Variants in KCND2 observed in about 807,000 individuals in gnomAD.
KCND2 encodes A-type voltage-gated potassium channel KCND2.
In KCND2, 16 loss-of-function variants were observed where a neutral mutation model predicts 54.4. That is an observed-to-expected ratio of 0.29 (90% CI 0.20 to 0.45). The LOEUF is 0.45. Ranked by LOEUF, KCND2 falls within the 20% of genes least tolerant of loss-of-function variation. The pLI is 1.00. For synonymous variants in KCND2, 317 were observed against 310.7 expected (o/e 1.02, Z -0.21); for missense variants, 486 against 824.2 (o/e 0.59, Z 5.02).
At chr7:120,677,240 C>G (rs978935100) in intron 1 of KCND2, among the ~76,000 whole-genome samples, 1 of 151,952 alleles carries the variant, frequency 6.6e-6, no homozygotes, top group East Asian at 1.9e-4. Context: ...CAAAAAAAAT[C>G]TGTGAATAAA....
At position 120,283,533 on chromosome 7, in the gene KCND2, A is replaced by C. The variant is rs1799296484; in HGVS notation, c.1115+7786A>C. Among the ~76,000 whole-genome samples, 2 of 152,186 alleles carry C rather than the reference A, an allele frequency of 1.3e-5. 1 individual carries two copies. The highest frequency in any genetic ancestry group is 4.1e-4 in the South Asian group (2 of 4,834). ...CCAATTATTCAGGAGATTATCTAAA[A>C]AATGAGTATTTTCTAATACATAAGT... On this transcript the variant is annotated intron_variant, in intron 1 of 5. Coordinates refer to ENST00000331113, the MANE Select transcript of KCND2 (RefSeq NM_012281.3).
At chr7:120,386,818 AG>A (rs1800994981) in intron 1 of KCND2, among the ~76,000 whole-genome samples, 1 of 152,068 alleles carries the variant, frequency 6.6e-6, no homozygotes, top group African/African-American at 2.4e-5. Context: ...AAAGAAATGG[AG>A]GGGAAAAATA....
chr7:120,692,028 A>G (rs377132845), intron 1 of KCND2, among the ~76,000 whole-genome samples: 4 of 152,188 alleles, frequency 2.6e-5, no homozygotes, highest in African/African-American at 9.7e-5. Context: ...CCTTTAAAGG[A>G]GCAGTTTTGG....
intron 1 of KCND2, among the ~76,000 whole-genome samples, chr7:120,388,636 AC>A (rs1428938632): frequency 1.3e-5 from 2 of 151,964 alleles, no homozygotes; most frequent in Non-Finnish European, 2.9e-5. Context: ...AGCCAGACTC[AC>A]ACCTCAATGA....
At chr7:120,357,208 T>G (rs1800519352) in intron 1 of KCND2, among the ~76,000 whole-genome samples, 3 of 152,132 alleles carry the variant, frequency 2.0e-5, no homozygotes, top group Admixed American at 6.6e-5. Flanking sequence ...TGCTTAAGCC[T>G]CTTTCACCTC....
Position 120,691,941 on chromosome 7 carries a change from G to A in KCND2, c.1116-40962G>A, listed in dbSNP as rs546337914. Among the ~76,000 whole-genome samples, 14 of 152,230 alleles carry A rather than the reference G, an allele frequency of 9.2e-5. 1 individual carries two copies. The highest frequency in any genetic ancestry group is 2.1e-4 in the South Asian group (1 of 4,834). ...AAGAAAATGTTTCAAGGAGGACCTTGTGGTCAGCTGTGTCAAATTCTGGGT... is the reference window on the plus strand; with the variant it reads ...AAGAAAATGTTTCAAGGAGGACCTTATGGTCAGCTGTGTCAAATTCTGGGT... On this transcript the variant is annotated intron_variant, in intron 1 of 5. Transcript: ENST00000331113.
At chr7:120,521,432 T>A (rs1791690441) in intron 1 of KCND2, among the ~76,000 whole-genome samples, 1 of 152,150 alleles carries the variant, frequency 6.6e-6, no homozygotes, top group Non-Finnish European at 1.5e-5. Flanking sequence ...CTAATCAAAT[T>A]TTATGGGATA....
At chr7:120,430,346 C>A (rs897292915) in intron 1 of KCND2, among the ~76,000 whole-genome samples, 1 of 152,068 alleles carries the variant, frequency 6.6e-6, no homozygotes. Flanking sequence ...AACCGTAATT[C>A]CCTTAGAAGC....
intron 1 of KCND2, among the ~76,000 whole-genome samples, chr7:120,677,774 G>A (rs1401859520): frequency 6.6e-6 from 1 of 151,904 alleles, no homozygotes; most frequent in Non-Finnish European, 1.5e-5. Flanking sequence ...CTTTCAAAAT[G>A]CTGTTACTTC....
intron 1 of KCND2, among the ~76,000 whole-genome samples, chr7:120,489,086 T>G (rs907614176): frequency 6.6e-6 from 1 of 152,118 alleles, no homozygotes; most frequent in Admixed American, 6.6e-5. Context: ...ATATTCTGTA[T>G]GTTAAACATG....
At chr7:120,304,891 G>A (rs1163376514) in intron 1 of KCND2, among the ~76,000 whole-genome samples, 1 of 152,114 alleles carries the variant, frequency 6.6e-6, no homozygotes, top group Non-Finnish European at 1.5e-5. Context: ...TCTCCAGCTC[G>A]GCATTGTTTT....
intron 1 of KCND2, among the ~76,000 whole-genome samples, chr7:120,359,021 C>G (rs1455614671): frequency 6.6e-6 from 1 of 152,098 alleles, no homozygotes; most frequent in Non-Finnish European, 1.5e-5. Flanking sequence ...AAAGAGAAAC[C>G]CTTACAGGCC....
intron 1 of KCND2, among the ~76,000 whole-genome samples, chr7:120,579,576 T>G (rs1792486236): frequency 6.7e-6 from 1 of 149,584 alleles, no homozygotes; most frequent in African/African-American, 2.5e-5. Flanking sequence ...CATTCCAGCC[T>G]GGAGACGGGG....
chr7:120,684,400 T>G (rs1224849565), intron 1 of KCND2, among the ~76,000 whole-genome samples: 2 of 152,168 alleles, frequency 1.3e-5, no homozygotes, highest in African/African-American at 4.8e-5. Flanking sequence ...TATAACAAGA[T>G]ATGTAAATTT....
chr7:120,593,210 G>T (rs1304146846), intron 1 of KCND2, among the ~76,000 whole-genome samples: 1 of 152,160 alleles, frequency 6.6e-6, no homozygotes, highest in Admixed American at 6.5e-5. Context: ...TCTCAGAGCA[G>T]ACGTTGGAAC....
chr7:120,625,086 C>T (rs2116506639), intron 1 of KCND2, among the ~76,000 whole-genome samples: 1 of 152,222 alleles, frequency 6.6e-6, no homozygotes, highest in Non-Finnish European at 1.5e-5. Context: ...GAGACTTGGC[C>T]CATACTCTGT....
At chr7:120,419,292 A>G (rs780068774) in intron 1 of KCND2, among the ~76,000 whole-genome samples, 8 of 152,174 alleles carry the variant, frequency 5.3e-5, no homozygotes, top group Admixed American at 1.3e-4. Context: ...CCCATCTGCT[A>G]TGCATTGCTA....
chr7:120,649,416 C>A (rs1213092926), intron 1 of KCND2, among the ~76,000 whole-genome samples: 1 of 152,040 alleles, frequency 6.6e-6, no homozygotes, highest in Non-Finnish European at 1.5e-5. Flanking sequence ...TCAAGAATGC[C>A]AACTTTAAGT....
chr7:120,347,500 G>C (rs538294268), intron 1 of KCND2, among the ~76,000 whole-genome samples: 1 of 152,280 alleles, frequency 6.6e-6, no homozygotes, highest in South Asian at 2.1e-4. Context: ...GCTCAAGCCT[G>C]TAACCCCAGC....
Sources: gnomAD v4.1 joint callset for allele counts (sites outside exome capture counted in the v4.1 genomes callset) on GRCh38, gnomAD v4.1.1 for gene constraint, MANE v1.5 for transcripts, NCBI Gene and HGNC (gene_info 2026-07-23, HGNC 2026-07-21) for gene names.